The following GAD2 variants were observed in gnomAD, a reference collection of about 807,000 sequenced individuals.
GAD2 encodes the protein glutamate decarboxylase 2.
In GAD2, 22 loss-of-function variants were observed where a neutral mutation model predicts 80.1. The ratio of observed to expected loss-of-function variants is 0.27; its 90% CI spans 0.20 to 0.39. The LOEUF (loss-of-function observed/expected upper bound fraction) is 0.39, where lower values mean the gene tolerates loss of function less well. GAD2 is among the 10% of genes least tolerant of loss of function. The pLI is 1.00. For missense variants in GAD2, 624 were observed against 738.4 expected (o/e 0.85, Z 1.80); for synonymous variants, 274 against 256.9 (o/e 1.07, Z -0.64).
chr10:26,234,803 C>T (rs949372531), intron 7 of GAD2, among the ~76,000 whole-genome samples: 11 of 152,150 alleles, frequency 7.2e-5, no homozygotes, highest in South Asian at 2.1e-4. Flanking sequence ...ATGTCCTAAA[C>T]GCTTCTCTCT....
intron 12 of GAD2, among the ~76,000 whole-genome samples, chr10:26,284,737 T>G (rs1484786094): frequency 6.6e-6 from 1 of 151,846 alleles, no homozygotes; most frequent in Non-Finnish European, 1.5e-5. Flanking sequence ...GCCCAGCTAA[T>G]TTTTTGTATT....
Position 26,300,768 on chromosome 10 carries a change from T to C in GAD2, c.1585-20T>C. On this transcript the variant is annotated intron_variant, in intron 15 of 15. Transcript: ENST00000376261. The stretch of plus-strand genomic sequence containing the variant: ...GAGTCCCAGGAGAAAGTCACCATGC[T>C]GATATGGTCTGTCCCACAGGTGGCT... 1.9e-6 allele frequency: 3 copies of C among 1,607,280 alleles called. No homozygotes were observed. The highest frequency in any genetic ancestry group is 2.6e-6 in the Non-Finnish European group (3 of 1,174,874).
intron 4 of GAD2, among the ~76,000 whole-genome samples, chr10:26,220,115 C>G (rs534866893): frequency 1.2e-3 from 179 of 152,244 alleles, no homozygotes; most frequent in African/African-American, 3.3e-3. Context: ...CTGCCCAGGT[C>G]TTGATTACCC....
rs77236238 is a variant in GAD2, at chr10:26,257,928, T to C, written c.921-11191T>C. Among the ~76,000 whole-genome samples, 1,002 of 152,288 alleles carry C rather than the reference T, an allele frequency of 6.6e-3. 15 individuals are homozygous for C. The highest frequency in any genetic ancestry group is 0.023 in the African/African-American group (950 of 41,542). On this transcript the variant is annotated intron_variant, in intron 8 of 15. Transcript: ENST00000376261. ...TTCAGCGCATTGTAGTGGGATAGAC[T>C]TCACAGAGACACCGAATCGATTATT...
rs1834337259 is a variant in GAD2 at position 26,302,414 on chromosome 10, C to T, written c.*1453C>T. 6.6e-6 allele frequency: 1 copy of T among 152,080 alleles called. No homozygotes were observed. The highest frequency in any genetic ancestry group is 2.4e-5 in the African/African-American group (1 of 41,408). 9.4% of individuals were successfully genotyped at this position (152,080 alleles called of 1,614,324 possible). A position where few individuals can be genotyped will look rare whatever the true frequency, so the allele number is the denominator to read the frequency against. On this transcript the variant is annotated 3_prime_UTR_variant, in exon 16 of 16. Transcript: ENST00000376261. ...TTCAAAATAGTATTTTTAAAACATC[C>T]TTCTTTCCCTGTGAACCTGATAGAA...
At chr10:26,265,372 T>C (rs1033569956) in intron 8 of GAD2, among the ~76,000 whole-genome samples, 18 of 152,088 alleles carry the variant, frequency 1.2e-4, no homozygotes, top group African/African-American at 3.6e-4. Context: ...GCCCAGCTAA[T>C]TTTTGCATCT....
At position 26,301,147 on chromosome 10, in the gene GAD2, CCTCT is replaced by C. The variant is rs988967991; in HGVS notation, c.*189_*192del. The stretch of plus-strand genomic sequence containing the variant: ...AAAGTCCTTTCTTAAGTTTAGAATA[CCTCT>C]CTAAGAATTCGTGACAAAAGGCTAT... On this transcript the variant is annotated 3_prime_UTR_variant, in exon 16 of 16. Transcript: ENST00000376261. 4.9e-5 allele frequency: 28 copies of C among 569,200 alleles called. No homozygotes were observed. Among genetic ancestry groups the C allele is most frequent in the African/African-American group, 2.6e-4 (14 of 53,414 alleles). The allele number at this position is 569,200 out of a possible 1,614,324, so 35.3% of individuals were successfully genotyped here. A position where few individuals can be genotyped will look rare whatever the true frequency, so the allele number is the denominator to read the frequency against.
intron 6 of GAD2, among the ~76,000 whole-genome samples, chr10:26,228,445 C>A (rs540662161): frequency 1.3e-5 from 2 of 152,142 alleles, no homozygotes; most frequent in Admixed American, 6.5e-5. Flanking sequence ...TCAATGATGT[C>A]TTTGAGAGGG....
chr10:26,227,643 G>A (rs1465027353), intron 6 of GAD2, among the ~76,000 whole-genome samples: 1 of 152,148 alleles, frequency 6.6e-6, no homozygotes, highest in East Asian at 1.9e-4. Context: ...TGGGGGAGAG[G>A]GTGCTATGGG....
chr10:26,251,127 T>C (rs1844876369), intron 8 of GAD2, among the ~76,000 whole-genome samples: 1 of 150,618 alleles, frequency 6.6e-6, no homozygotes, highest in African/African-American at 2.4e-5. Flanking sequence ...CTTGATCTCC[T>C]GATCTCGTGA....
intron 8 of GAD2, among the ~76,000 whole-genome samples, chr10:26,253,966 G>A (rs927960821): frequency 2.0e-5 from 3 of 152,174 alleles, no homozygotes; most frequent in Non-Finnish European, 4.4e-5. Flanking sequence ...ATGGTTTCAG[G>A]ATGAAACTGT....
intron 12 of GAD2, among the ~76,000 whole-genome samples, chr10:26,284,712 C>CA (rs1289052412): frequency 6.6e-6 from 1 of 151,844 alleles, no homozygotes; most frequent in Non-Finnish European, 1.5e-5. Flanking sequence ...GCTGGAACTA[C>CA]AGGCACCCAC....
chr10:26,266,231 A>G (rs771083830), intron 8 of GAD2, among the ~76,000 whole-genome samples: 8 of 152,232 alleles, frequency 5.3e-5, no homozygotes, highest in Admixed American at 1.3e-4. Context: ...TGCTTGGCAC[A>G]TAGCAAGTGC....
chr10:26,238,456 C>T (rs1331846418), intron 7 of GAD2, among the ~76,000 whole-genome samples: 2 of 152,238 alleles, frequency 1.3e-5, no homozygotes, highest in African/African-American at 4.8e-5. Context: ...ATACTCACTA[C>T]TGATGTTCAC....
At chr10:26,216,724 G>A (rs575549663), upstream of GAD2, 529 of 1,178,060 alleles carry the variant, frequency 4.5e-4, no homozygotes, top group African/African-American at 7.9e-3. This position sits in a 1 kb window ranked among gnomAD's most constrained non-coding sequence, Gnocchi z 4.7. Context: ...CCGCCACACG[G>A]GCACGCACGC....
At chr10:26,298,900 T>C (rs1834301351) in intron 15 of GAD2, among the ~76,000 whole-genome samples, 1 of 152,168 alleles carries the variant, frequency 6.6e-6, no homozygotes. Context: ...AATCTCAGAT[T>C]TGAGATATTT....
chr10:26,220,809 G>T (rs1192736520), intron 4 of GAD2, among the ~76,000 whole-genome samples: 1 of 152,226 alleles, frequency 6.6e-6, no homozygotes, highest in Non-Finnish European at 1.5e-5. Context: ...TGCCTGAAAT[G>T]CAGTCTACAG....
At position 26,229,768 on chromosome 10, in the gene GAD2, G is replaced by A. The variant is rs200678631; in HGVS notation, c.831G>A (p.Thr277=). ...CTCTTCCCAGGCTCATTGCCTTCAC[G>A]TCTGAACATGTATGTGTTTCTTTTC... The part of the protein sequence containing the change: ...MAALPRLIAF[T]SEHSHFSLKK... Residue 277 remains threonine, a synonymous_variant, in exon 7 of 16, where the codon ACG becomes ACA. Transcript: ENST00000376261. The A allele has an allele frequency of 3.8e-5, 61 of 1,609,244 alleles. No individual in the cohort carries two copies. Among genetic ancestry groups the A allele is most frequent in the East Asian group, 3.6e-4 (16 of 44,868 alleles).
chr10:26,253,404 C>T (rs1844904253), intron 8 of GAD2, among the ~76,000 whole-genome samples: 1 of 152,080 alleles, frequency 6.6e-6, no homozygotes, highest in Non-Finnish European at 1.5e-5. Flanking sequence ...AATCTAGATT[C>T]ATGATGTGTA....
Sources: allele counts gnomAD v4.1 joint callset (sites outside exome capture counted in the v4.1 genomes callset), GRCh38; gene constraint gnomAD v4.1.1; non-coding constraint Gnocchi (gnomAD v3.1); transcripts MANE v1.5; gene names NCBI Gene and HGNC (gene_info 2026-07-23, HGNC 2026-07-21).